Variants in SPTLC2 observed in about 807,000 individuals in gnomAD.
SPTLC2 encodes serine palmitoyltransferase 2.
A neutral mutation model predicts 62.0 loss-of-function variants in SPTLC2; 21 were observed. That is an observed-to-expected ratio of 0.34 (90% CI 0.24 to 0.49). The LOEUF (loss-of-function observed/expected upper bound fraction) is 0.49, where lower values mean the gene tolerates loss of function less well. SPTLC2 is among the 20% of genes least tolerant of loss of function. The pLI is 0.99. For synonymous variants in SPTLC2, 261 were observed against 261.8 expected, an observed-to-expected ratio of 1.00 and a Z score of 0.03; for missense variants, 511 against 713.0, an observed-to-expected ratio of 0.72 and a Z score of 3.23.
chr14:77,506,952 A>G lies in SPTLC2; in HGVS notation c.*5332T>C, dbSNP rs2079308741. On this transcript the variant is annotated 3_prime_UTR_variant, in exon 12 of 12. Coordinates refer to ENST00000216484, the MANE Select transcript of SPTLC2 (RefSeq NM_004863.4). Reference sequence around the variant, plus strand: ...TTGCATTCTTTAGGGTCAGTTTATTATAACTTATCCTACCAGAAAGAATCA... The same window carrying G: ...TTGCATTCTTTAGGGTCAGTTTATTGTAACTTATCCTACCAGAAAGAATCA... The G allele has an allele frequency of 1.3e-5, 2 of 152,252 alleles. No individual in the cohort carries two copies. Among genetic ancestry groups the G allele is most frequent in the South Asian group, 4.1e-4 (2 of 4,828 alleles). The allele number at this position is 152,252 out of a possible 1,614,324, so 9.4% of individuals were successfully genotyped here.
chr14:77,540,712 C>T (rs1010188882), intron 9 of SPTLC2, among the ~76,000 whole-genome samples: 1 of 152,030 alleles, frequency 6.6e-6, no homozygotes, highest in East Asian at 1.9e-4. Context: ...TGACCTCAAG[C>T]GATCACCCAC....
intron 2 of SPTLC2, among the ~76,000 whole-genome samples, chr14:77,596,363 C>T (rs1458810087): frequency 1.4e-3 from 208 of 149,406 alleles, no homozygotes; most frequent in African/African-American, 5.0e-3. Context: ...ATTAGCCGGG[C>T]GTGGTGGCAG....
At position 77,507,955 on chromosome 14, in the gene SPTLC2, T is replaced by C. The variant is rs2079313960; in HGVS notation, c.*4329A>G. The C allele has an allele frequency of 6.6e-6, 1 of 152,252 alleles. No individual in the cohort carries two copies. The allele number at this position is 152,252 out of a possible 1,614,324, so 9.4% of individuals were successfully genotyped here. On this transcript the variant is annotated 3_prime_UTR_variant, in exon 12 of 12. Coordinates refer to ENST00000216484, the MANE Select transcript of SPTLC2 (RefSeq NM_004863.4). ...CAGGCTACGCTCAAATTCTTGGGTT[T>C]AAGCAATCCTCCGGCCTCAGCCTCT...
intron 5 of SPTLC2, among the ~76,000 whole-genome samples, chr14:77,563,392 C>G (rs1410252763): frequency 1.3e-5 from 2 of 152,140 alleles, no homozygotes; most frequent in Non-Finnish European, 2.9e-5. Flanking sequence ...TGCAGGCCCT[C>G]CATATACTTG....
At chr14:77,600,675 G>C (rs1295991010) in intron 1 of SPTLC2, among the ~76,000 whole-genome samples, 1 of 152,124 alleles carries the variant, frequency 6.6e-6, no homozygotes, top group Non-Finnish European at 1.5e-5. Flanking sequence ...AAGCAAACAA[G>C]AATGTGACAC....
At chr14:77,579,164 T>C in intron 2 of SPTLC2, 55 bp from the exon 3 acceptor site, 1 of 1,577,800 alleles carries the variant, frequency 6.3e-7, no homozygotes, top group South Asian at 1.1e-5. Context: ...TATTAAAAAA[T>C]TTTTTAACAG....
At chr14:77,551,959 G>T in intron 9 of SPTLC2, 137 bp downstream of exon 9, 1 of 1,304,628 alleles carries the variant, frequency 7.7e-7, no homozygotes, top group African/African-American at 1.5e-5. Context: ...CTAAAAAAGT[G>T]TCCATGGAAA....
intron 9 of SPTLC2, 35 bp from the exon 10 acceptor site, chr14:77,521,616 C>T: frequency 6.3e-7 from 1 of 1,591,318 alleles, no homozygotes; most frequent in Non-Finnish European, 8.6e-7. Flanking sequence ...CAAAATAATC[C>T]TAAGTAAAAA....
intron 1 of SPTLC2, among the ~76,000 whole-genome samples, chr14:77,600,563 A>C (rs2079871581): frequency 2.0e-5 from 3 of 152,250 alleles, no homozygotes; most frequent in Non-Finnish European, 4.4e-5. Context: ...TGTTTTGCTC[A>C]TTATTGCACG....
At chr14:77,607,317 T>C (rs1372532736) in intron 1 of SPTLC2, among the ~76,000 whole-genome samples, 2 of 152,212 alleles carry the variant, frequency 1.3e-5, no homozygotes, top group African/African-American at 2.4e-5. Context: ...AATATCAAAG[T>C]TGGAACTAGA....
chr14:77,584,419 C>A (rs754781249), intron 2 of SPTLC2, among the ~76,000 whole-genome samples: 7 of 152,182 alleles, frequency 4.6e-5, no homozygotes, highest in Non-Finnish European at 8.8e-5. Context: ...GTATTTATGA[C>A]ATACCAGGCA....
chr14:77,556,355 A>G (rs1247359530), intron 7 of SPTLC2, among the ~76,000 whole-genome samples: 1 of 151,820 alleles, frequency 6.6e-6, no homozygotes, highest in East Asian at 1.9e-4. Flanking sequence ...AAAAACAAGC[A>G]CCAAACACAA....
At chr14:77,583,070 T>C (rs1172203825) in intron 2 of SPTLC2, among the ~76,000 whole-genome samples, 1 of 152,004 alleles carries the variant, frequency 6.6e-6, no homozygotes, top group Non-Finnish European at 1.5e-5. Context: ...TGTGGTGGCA[T>C]GTGCCTGCAG....
chr14:77,612,361 T>C (rs1445618535), intron 1 of SPTLC2, among the ~76,000 whole-genome samples: 1 of 152,252 alleles, frequency 6.6e-6, no homozygotes, highest in Non-Finnish European at 1.5e-5. Context: ...CTTAAGAACA[T>C]AGCTGCTTAC....
At chr14:77,568,952 T>C (rs923182739) in intron 5 of SPTLC2, among the ~76,000 whole-genome samples, 4 of 152,230 alleles carry the variant, frequency 2.6e-5, no homozygotes, top group African/African-American at 9.6e-5. Context: ...TACAATTTTT[T>C]GAATTGCAAA....
chr14:77,610,854 TG>T (rs2079931596), intron 1 of SPTLC2, among the ~76,000 whole-genome samples: 1 of 151,956 alleles, frequency 6.6e-6, no homozygotes, highest in Admixed American at 6.6e-5. Context: ...GAGATCAGCC[TG>T]GGCAACATAG....
At chr14:77,558,051 C>T (rs956377145) in intron 6 of SPTLC2, among the ~76,000 whole-genome samples, 1 of 144,778 alleles carries the variant, frequency 6.9e-6, no homozygotes, top group African/African-American at 2.5e-5. Context: ...ATCATAAAAT[C>T]TTTTTTTTTT....
Position 77,512,100 on chromosome 14 carries a change from G to T in SPTLC2, c.*184C>A. On this transcript the variant is annotated 3_prime_UTR_variant, in exon 12 of 12. Coordinates refer to ENST00000216484, the MANE Select transcript of SPTLC2 (RefSeq NM_004863.4). The stretch of plus-strand genomic sequence containing the variant: ...TTAAAGGTGAGATTTAGCAAAGGAA[G>T]GATTAGAAGCAGTTTTTTACTATTT... 1.4e-6 allele frequency: 1 copy of T among 729,192 alleles called. No individual in the cohort carries two copies. The highest frequency in any genetic ancestry group is 2.2e-6 in the Non-Finnish European group (1 of 447,974). 45.2% of individuals were successfully genotyped at this position (729,192 alleles called of 1,614,324 possible).
chr14:77,573,768 C>T (rs2079697883), intron 4 of SPTLC2, among the ~76,000 whole-genome samples: 1 of 152,066 alleles, frequency 6.6e-6, no homozygotes, highest in Non-Finnish European at 1.5e-5. Context: ...GCTGGGATTA[C>T]AGGCGTGCAC....
Sources: allele counts gnomAD v4.1 joint callset (sites outside exome capture counted in the v4.1 genomes callset), GRCh38; gene constraint gnomAD v4.1.1; transcripts MANE v1.5; gene names NCBI Gene and HGNC (gene_info 2026-07-23, HGNC 2026-07-21).